Variants in PLCH1 observed in about 807,000 individuals in gnomAD.
The protein encoded by PLCH1 is 1-phosphatidylinositol 4,5-bisphosphate phosphodiesterase eta-1.
PLCH1 carries 60 observed loss-of-function variants against 126.7 expected under a neutral mutation model. That is an observed-to-expected ratio of 0.47 (90% CI 0.38 to 0.59). PLCH1 has a LOEUF of 0.59. Ranked by LOEUF, PLCH1 falls within the 20% of genes least tolerant of loss-of-function variation. PLCH1 has a pLI of 0.00. For synonymous variants in PLCH1, 719 were observed against 734.9 expected, an observed-to-expected ratio of 0.98 and a Z score of 0.35; for missense variants, 1,723 against 2,040.0, an observed-to-expected ratio of 0.84 and a Z score of 2.99.
chr3:155,636,490 G>C (rs1308278870), intron 2 of PLCH1, among the ~76,000 whole-genome samples: 1 of 152,156 alleles, frequency 6.6e-6, no homozygotes, highest in Non-Finnish European at 1.5e-5. Flanking sequence ...GCTCTCGCCT[G>C]TAATCCCAGC....
intron 2 of PLCH1, among the ~76,000 whole-genome samples, chr3:155,648,307 A>C (rs1378885310): frequency 1.3e-5 from 2 of 152,222 alleles, no homozygotes; most frequent in African/African-American, 4.8e-5. Context: ...AAAAACAGGC[A>C]GAAGAACCAT....
chr3:155,576,285 C>T (rs962573100), intron 6 of PLCH1, among the ~76,000 whole-genome samples: 2 of 152,156 alleles, frequency 1.3e-5, no homozygotes, highest in Admixed American at 6.5e-5. Flanking sequence ...CTAGTAAATA[C>T]TTCGGAACCA....
intron 2 of PLCH1, among the ~76,000 whole-genome samples, chr3:155,701,770 C>G (rs1746292099): frequency 6.6e-6 from 1 of 152,172 alleles, no homozygotes; most frequent in South Asian, 2.1e-4. Flanking sequence ...TAAAATATCC[C>G]AAGACTTCTC....
At chr3:155,464,804 G>T (rs1392663017) in intron 21 of PLCH1, among the ~76,000 whole-genome samples, 1 of 152,116 alleles carries the variant, frequency 6.6e-6, no homozygotes, top group African/African-American at 2.4e-5. Flanking sequence ...CCTATTAGTA[G>T]AATAATACTA....
intron 10 of PLCH1, among the ~76,000 whole-genome samples, chr3:155,546,835 T>C (rs1725357105): frequency 6.7e-6 from 1 of 148,580 alleles, no homozygotes; most frequent in Non-Finnish European, 1.5e-5. Flanking sequence ...TGGCTAGCCA[T>C]ATGAAGAAAG....
chr3:155,525,038 G>C (rs1362422128), intron 10 of PLCH1, among the ~76,000 whole-genome samples: 1 of 151,994 alleles, frequency 6.6e-6, no homozygotes, highest in Non-Finnish European at 1.5e-5. Context: ...AAGATGACTT[G>C]GCTGGGCACA....
chr3:155,618,385 G>A (rs559997243), intron 2 of PLCH1, among the ~76,000 whole-genome samples: 58 of 152,188 alleles, frequency 3.8e-4, no homozygotes, highest in African/African-American at 1.3e-3. Flanking sequence ...AGGCTAAAAC[G>A]TATTTCTTAC....
chr3:155,578,755 A>C (rs1730292588), intron 6 of PLCH1, among the ~76,000 whole-genome samples: 1 of 152,196 alleles, frequency 6.6e-6, no homozygotes, highest in African/African-American at 2.4e-5. Flanking sequence ...AGTTTAGTAC[A>C]CGGTATCCTA....
intron 12 of PLCH1, among the ~76,000 whole-genome samples, chr3:155,506,503 T>A (rs1272095055): frequency 2.0e-5 from 1 of 51,270 alleles, no homozygotes; most frequent in African/African-American, 7.7e-5. Context: ...CCCTCCCCCC[T>A]CCCCCCACCC....
At chr3:155,500,907 G>A in intron 13 of PLCH1, 113 bp from the exon 14 acceptor site, 2 of 692,276 alleles carry the variant, frequency 2.9e-6, no homozygotes, top group African/African-American at 1.8e-5. Context: ...TAACTTGGAG[G>A]GAGAAAATGA....
chr3:155,494,612 T>A lies in PLCH1; in HGVS notation c.1895-95A>T. On this transcript the variant is annotated intron_variant, in intron 15 of 22. Transcript: ENST00000460012. ...TTATAATAATGTCAGATTATACCAA[T>A]AGCAAAAAGCAGAGCACTAGAGAGT... 8 of 997,684 alleles carry A rather than the reference T, an allele frequency of 8.0e-6. No homozygotes were observed. In the Admixed American group the frequency reaches 1.2e-4, roughly 16 times the overall value. The allele number at this position is 997,684 out of a possible 1,614,324, so 61.8% of individuals were successfully genotyped here. A position where few individuals can be genotyped will look rare whatever the true frequency, so the allele number is the denominator to read the frequency against.
At chr3:155,608,737 G>GC (rs1248757599) in intron 2 of PLCH1, among the ~76,000 whole-genome samples, 4 of 152,098 alleles carry the variant, frequency 2.6e-5, no homozygotes, top group Non-Finnish European at 4.4e-5. Flanking sequence ...GCCTGATCCT[G>GC]CCCCCATCGG....
chr3:155,652,121 G>C (rs756565475), intron 2 of PLCH1, among the ~76,000 whole-genome samples: 5 of 152,204 alleles, frequency 3.3e-5, no homozygotes, highest in Non-Finnish European at 7.3e-5. Flanking sequence ...GCATTTATTT[G>C]ACTTTACACC....
intron 2 of PLCH1, among the ~76,000 whole-genome samples, chr3:155,644,557 C>T (rs549403787): frequency 2.0e-5 from 3 of 152,168 alleles, no homozygotes; most frequent in South Asian, 4.2e-4. Flanking sequence ...GAGCTGAGGT[C>T]GCTTCACTGC....
At chr3:155,547,789 A>G (rs1018664063) in intron 10 of PLCH1, among the ~76,000 whole-genome samples, 4 of 150,680 alleles carry the variant, frequency 2.7e-5, no homozygotes, top group African/African-American at 9.8e-5. Flanking sequence ...CTATCGCAAG[A>G]ACAAAAAACC....
intron 10 of PLCH1, among the ~76,000 whole-genome samples, chr3:155,540,553 C>T (rs1560133590): frequency 6.6e-6 from 1 of 151,938 alleles, no homozygotes; most frequent in African/African-American, 2.4e-5. Context: ...AAGAAAAAGA[C>T]AAATAATACC....
chr3:155,703,303 T>A (rs1053845242), intron 2 of PLCH1, among the ~76,000 whole-genome samples: 5 of 152,154 alleles, frequency 3.3e-5, no homozygotes, highest in African/African-American at 9.7e-5. Flanking sequence ...GATTATAGGA[T>A]TCTGTTAAAG....
intron 2 of PLCH1, among the ~76,000 whole-genome samples, chr3:155,673,928 T>C (rs150215630): frequency 7.0e-4 from 107 of 152,352 alleles, no homozygotes; most frequent in Non-Finnish European, 1.3e-3. Context: ...ATATGAAATA[T>C]ACATTATCCT....
chr3:155,674,888 C>T (rs61493707), intron 2 of PLCH1, among the ~76,000 whole-genome samples: 7,262 of 152,106 alleles, frequency 0.048, 456 homozygotes, highest in African/African-American at 0.14. Context: ...GCAAGACGAC[C>T]CTGATAGTAT....
Sources: gnomAD v4.1 joint callset for allele counts (sites outside exome capture counted in the v4.1 genomes callset) on GRCh38, gnomAD v4.1.1 for gene constraint, MANE v1.5 for transcripts, NCBI Gene and HGNC (gene_info 2026-07-23, HGNC 2026-07-21) for gene names.